The following VGLL3 variants were observed in gnomAD, a reference collection of about 807,000 sequenced individuals.
VGLL3 encodes the protein vestigial like family member 3.
VGLL3 carries 18 observed loss-of-function variants against 29.2 expected under a neutral mutation model. That is an observed-to-expected ratio of 0.62 (90% CI 0.43 to 0.91). The LOEUF is 0.91. Ranked by LOEUF, VGLL3 falls within the 40% of genes least tolerant of loss-of-function variation. The probability of loss-of-function intolerance (pLI) is 0.00; values close to 1 mark genes in which losing one functional copy is unlikely to be tolerated. For synonymous variants in VGLL3, 180 were observed against 151.8 expected (o/e 1.19, Z -1.36); for missense variants, 440 against 413.2 (o/e 1.06, Z -0.56).
chr3:86,991,050 C>T lies in VGLL3; in HGVS notation c.-307G>A. 1.6e-6 allele frequency: 1 copy of T among 618,226 alleles called. No homozygotes were observed. The highest frequency in any genetic ancestry group is 2.0e-6 in the Non-Finnish European group (1 of 491,306). The allele number at this position is 618,226 out of a possible 1,614,324, so 38.3% of individuals were successfully genotyped here. A position where few individuals can be genotyped will look rare whatever the true frequency, so the allele number is the denominator to read the frequency against. ...GCCGCTGGGGCATTACCGCGTCCGG[C>T]TCCCGCGAGGGCTGCGGCGCCCACG... On this transcript the variant is annotated 5_prime_UTR_variant, in exon 1 of 4. Transcript: ENST00000398399.
intron 1 of VGLL3, among the ~76,000 whole-genome samples, chr3:86,980,406 G>A (rs1000126823): frequency 3.3e-5 from 5 of 151,978 alleles, no homozygotes; most frequent in African/African-American, 7.2e-5. Context: ...TCTAGTTATC[G>A]TTTCAGGATG....
In VGLL3 at chr3:86,941,641, A is replaced by G. The variant is rs1231036102; in HGVS notation, c.*5383T>C. On this transcript the variant is annotated 3_prime_UTR_variant, in exon 4 of 4. Coordinates refer to ENST00000398399, the MANE Select transcript of VGLL3 (RefSeq NM_016206.4). ...ACTTCAAGAGAATACTACTTTGACC[A>G]ATACTTTAAAACTATAAAAGTATTT... 1 of 152,064 alleles carries G rather than the reference A, an allele frequency of 6.6e-6. No individual in the cohort carries two copies. Among genetic ancestry groups the G allele is most frequent in the Non-Finnish European group, 1.5e-5 (1 of 67,988 alleles). 9.4% of individuals were successfully genotyped at this position (152,064 alleles called of 1,614,324 possible).
At chr3:86,954,984 T>C (rs530105024) in intron 3 of VGLL3, among the ~76,000 whole-genome samples, 52 of 151,538 alleles carry the variant, frequency 3.4e-4, no homozygotes, top group African/African-American at 1.2e-3. Context: ...TATCCAGACA[T>C]CTGTTGGATA....
At chr3:86,990,560 C>A (rs1312102031) in intron 1 of VGLL3, 58 bp downstream of exon 1, 4 of 1,311,338 alleles carry the variant, frequency 3.1e-6, no homozygotes, top group Non-Finnish European at 3.9e-6. Context: ...AGCCCCAGAC[C>A]GATACTCTCG....
chr3:86,939,286 C>T lies in VGLL3; in HGVS notation c.*7738G>A, dbSNP rs1206747739. On this transcript the variant is annotated 3_prime_UTR_variant, in exon 4 of 4. Coordinates refer to ENST00000398399, the MANE Select transcript of VGLL3 (RefSeq NM_016206.4). ...GGCTCCAAGTCCTAATCCCCAGAAC[C>T]ATTGAATATGTTACTGTACATGGAA... 6.6e-6 allele frequency: 1 copy of T among 152,152 alleles called. No individual in the cohort carries two copies. The highest frequency in any genetic ancestry group is 1.5e-5 in the Non-Finnish European group (1 of 68,046). 9.4% of individuals were successfully genotyped at this position (152,152 alleles called of 1,614,324 possible). A position where few individuals can be genotyped will look rare whatever the true frequency, so the allele number is the denominator to read the frequency against.
At chr3:86,948,023 G>A (rs1704541219) in intron 3 of VGLL3, among the ~76,000 whole-genome samples, 1 of 151,554 alleles carries the variant, frequency 6.6e-6, no homozygotes, top group Admixed American at 6.6e-5. Flanking sequence ...GGTGTATAAC[G>A]AGATACTTTG....
chr3:86,962,796 T>C (rs1704880467), intron 3 of VGLL3: 1 of 310,012 alleles, frequency 3.2e-6, no homozygotes, highest in Non-Finnish European at 4.7e-6. Flanking sequence ...GGCAGGTGGA[T>C]CACGAGGTCA....
At chr3:86,959,617 G>A (rs894631416) in intron 3 of VGLL3, among the ~76,000 whole-genome samples, 3 of 152,060 alleles carry the variant, frequency 2.0e-5, no homozygotes, top group Non-Finnish European at 4.4e-5. Flanking sequence ...TGGAATTGGA[G>A]CATTATTATA....
intron 2 of VGLL3, among the ~76,000 whole-genome samples, chr3:86,977,582 T>C (rs1199332589): frequency 6.6e-6 from 1 of 152,218 alleles, no homozygotes; most frequent in Non-Finnish European, 1.5e-5. Flanking sequence ...ATTATCAAAC[T>C]CTGCACTGGA....
intron 3 of VGLL3, among the ~76,000 whole-genome samples, chr3:86,951,286 C>A (rs1275936495): frequency 6.6e-6 from 1 of 152,156 alleles, no homozygotes; most frequent in Non-Finnish European, 1.5e-5. Context: ...TTATCAATAA[C>A]CAAATCTTAT....
rs1037044606 is a variant in VGLL3 at position 86,945,795 on chromosome 3, C to A, written c.*1229G>T. ...AAAAAGGAATTAAATCAAGTAAAGC[C>A]AGATTTAAACAAACAAAAAAAGAGA... On this transcript the variant is annotated 3_prime_UTR_variant, in exon 4 of 4. Transcript: ENST00000398399. The A allele has an allele frequency of 5.3e-5, 8 of 151,844 alleles. No homozygotes were observed. The highest frequency in any genetic ancestry group is 1.5e-5 in the Non-Finnish European group (1 of 67,952). 9.4% of individuals were successfully genotyped at this position (151,844 alleles called of 1,614,324 possible). A position where few individuals can be genotyped will look rare whatever the true frequency, so the allele number is the denominator to read the frequency against.
Position 86,969,028 on chromosome 3 carries a change from G to A in VGLL3, c.499C>T (p.His167Tyr), listed in dbSNP as rs1705027832. The change falls in exon 3 of 4, where the codon CAT becomes TAT. Residue 167 changes from histidine (H) to tyrosine (Y), a missense_variant. His to Tyr is a moderately conservative substitution (Grantham distance 83, BLOSUM62 2). Transcript: ENST00000398399. ...PPPAPCLGGV[H>Y]PDFQVTGPPG... ...GGTCCAGTGACCTGGAAGTCAGGAT[G>A]AACTCCCCCCAAACAAGGTGCAGGT... The A allele has an allele frequency of 6.2e-7, 1 of 1,614,134 alleles. No individual in the cohort carries two copies. Among genetic ancestry groups the A allele is most frequent in the Non-Finnish European group, 8.5e-7 (1 of 1,180,016 alleles).
At chr3:86,969,766 C>G (rs1414399294) in intron 2 of VGLL3, among the ~76,000 whole-genome samples, 2 of 151,302 alleles carry the variant, frequency 1.3e-5, no homozygotes, top group Admixed American at 1.3e-4. Flanking sequence ...TAAAAATGGT[C>G]AATATTTAAT....
intron 2 of VGLL3, among the ~76,000 whole-genome samples, chr3:86,974,804 T>C (rs949492273): frequency 2.0e-5 from 3 of 152,174 alleles, no homozygotes; most frequent in Non-Finnish European, 4.4e-5. Context: ...TAAGCATCAT[T>C]GCCATGGCCA....
rs944078005 is a variant in VGLL3 at position 86,946,866 on chromosome 3, T to A, written c.*158A>T. 1.5e-5 allele frequency: 9 copies of A among 589,382 alleles called. No individual in the cohort carries two copies. Among genetic ancestry groups the A allele is most frequent in the Non-Finnish European group, 2.5e-5 (8 of 325,414 alleles). 36.5% of individuals were successfully genotyped at this position (589,382 alleles called of 1,614,324 possible). ...CTTCAATGTCTGGGACCCACTTTGC[T>A]TTCTCAAGAAAGGCCGAAAACCAGT... On this transcript the variant is annotated 3_prime_UTR_variant, in exon 4 of 4. Coordinates refer to ENST00000398399, the MANE Select transcript of VGLL3 (RefSeq NM_016206.4).
intron 3 of VGLL3, among the ~76,000 whole-genome samples, chr3:86,965,719 G>A (rs1188878025): frequency 6.6e-6 from 1 of 152,100 alleles, no homozygotes. Context: ...CCTTACCAGA[G>A]GCAGATCACA....
intron 3 of VGLL3, among the ~76,000 whole-genome samples, chr3:86,951,610 C>T (rs1198545033): frequency 6.6e-6 from 1 of 152,172 alleles, no homozygotes; most frequent in East Asian, 1.9e-4. Flanking sequence ...AGCAGCTTCA[C>T]AGATCTACCT....
chr3:86,967,542 G>C (rs1024137211), intron 3 of VGLL3, among the ~76,000 whole-genome samples: 4 of 152,182 alleles, frequency 2.6e-5, no homozygotes, highest in Non-Finnish European at 5.9e-5. Flanking sequence ...GTAAAATAAA[G>C]CTGAGCATTT....
At chr3:86,988,640 CAAA>C (rs869098443) in intron 1 of VGLL3, among the ~76,000 whole-genome samples, 2 of 13,766 alleles carry the variant, frequency 1.5e-4, no homozygotes, top group Non-Finnish European at 5.8e-4. Flanking sequence ...TTTACTTGAC[CAAA>C]AAAAAAAAAA....
Sources: allele counts gnomAD v4.1 joint callset (sites outside exome capture counted in the v4.1 genomes callset), GRCh38; gene constraint gnomAD v4.1.1; transcripts MANE v1.5; gene names NCBI Gene and HGNC (gene_info 2026-07-23, HGNC 2026-07-21).